The following C2CD3 variants were observed in gnomAD, a reference collection of about 807,000 sequenced individuals.
The protein encoded by C2CD3 is C2 domain containing 3 centriole elongation regulator.
Under a neutral mutation model 234.0 loss-of-function variants are expected in C2CD3, and 148 were observed. The observed-to-expected ratio is 0.63, with a 90% CI of 0.55 to 0.72. The LOEUF is 0.72. Ranked by LOEUF, C2CD3 falls within the 30% of genes least tolerant of loss-of-function variation. The pLI, the probability that C2CD3 is intolerant of heterozygous loss-of-function variation, is 0.00. For missense variants in C2CD3, 2,577 were observed against 2,811.5 expected, an observed-to-expected ratio of 0.92 and a Z score of 1.89; for synonymous variants, 1,000 against 1,035.4, an observed-to-expected ratio of 0.97 and a Z score of 0.66.
At chr11:74,149,210 A>G (rs1245132526) in intron 3 of C2CD3, among the ~76,000 whole-genome samples, 2 of 152,156 alleles carry the variant, frequency 1.3e-5, no homozygotes, top group Admixed American at 6.5e-5. Context: ...CAATGTGCCA[A>G]TATAGTAAAC....
intron 32 of C2CD3, among the ~76,000 whole-genome samples, chr11:74,025,443 C>T (rs924686817): frequency 6.6e-6 from 1 of 152,026 alleles, no homozygotes; most frequent in Non-Finnish European, 1.5e-5. Flanking sequence ...ACTAAAAATA[C>T]AAAAATGCTC....
Position 74,071,918 on chromosome 11 carries a change from T to G in C2CD3, c.4951+2335A>C, listed in dbSNP as rs182391347. ...TGTAATTCACTGTCTCATTGAAAAT[T>G]TGTAAGTATATTTTGCTTTTTTTTA... On this transcript the variant is annotated intron_variant, in intron 24 of 32. Transcript: ENST00000334126. 2.6e-3 allele frequency among the ~76,000 whole-genome samples: 402 copies of G among 152,302 alleles called. 4 individuals carry two copies. The highest frequency in any genetic ancestry group is 9.1e-3 in the African/African-American group (377 of 41,556).
chr11:74,094,825 A>AG (rs1956045856), intron 17 of C2CD3, among the ~76,000 whole-genome samples: 1 of 152,344 alleles, frequency 6.6e-6, no homozygotes, highest in Admixed American at 6.5e-5. Flanking sequence ...TATTTCCCTT[A>AG]GGAACAGTGG....
chr11:74,155,939 C>T (rs1052713369), intron 3 of C2CD3, among the ~76,000 whole-genome samples: 1 of 151,552 alleles, frequency 6.6e-6, no homozygotes, highest in Admixed American at 6.6e-5. Flanking sequence ...TCAGGAGTTC[C>T]AGACCAGCCT....
chr11:74,061,963 G>C (rs911589975), intron 24 of C2CD3, among the ~76,000 whole-genome samples: 3 of 151,846 alleles, frequency 2.0e-5, no homozygotes, highest in Non-Finnish European at 2.9e-5. Flanking sequence ...AAAAAAGCAG[G>C]GGTTGCAATC....
intron 13 of C2CD3, 70 bp from the exon 14 acceptor site, chr11:74,103,695 G>T: frequency 1.6e-6 from 2 of 1,275,194 alleles, no homozygotes; most frequent in Non-Finnish European, 2.2e-6. Context: ...TTTGAGGCTG[G>T]AAACAACATC....
intron 15 of C2CD3, 36 bp downstream of exon 15, chr11:74,100,489 T>C (rs1297013926): frequency 1.3e-6 from 2 of 1,562,966 alleles, no homozygotes; most frequent in East Asian, 2.3e-5. Context: ...AAGTTAAAGA[T>C]GCACAATAAA....
chr11:74,121,027 G>C (rs1007879492), intron 8 of C2CD3, among the ~76,000 whole-genome samples: 1 of 151,920 alleles, frequency 6.6e-6, no homozygotes, highest in African/African-American at 2.4e-5. Context: ...AATGTTTCAG[G>C]AGTGGCAAGT....
intron 9 of C2CD3, among the ~76,000 whole-genome samples, chr11:74,116,451 C>T (rs1956928840): frequency 6.6e-6 from 1 of 151,128 alleles, no homozygotes; most frequent in South Asian, 2.1e-4. Context: ...GCAAGAATGG[C>T]CATAATAAAA....
rs764247820 is a variant in C2CD3 at position 74,057,485 on chromosome 11, C to T, written c.5011G>A (p.Ala1671Thr). ...GTGTATACAGGAGATGACTCATCGG[C>T]TGTTGCAAAGGATACACAACAACTG... ...IPSCCVSFAT[A>T]DESSPVYTQV... The change falls in exon 25 of 33, where the codon GCC becomes ACC. Residue 1671 changes from alanine to threonine, a missense_variant. Coordinates refer to ENST00000334126, the MANE Select transcript of C2CD3 (RefSeq NM_001286577.2). 9.3e-6 allele frequency: 15 copies of T among 1,614,088 alleles called. No homozygotes were observed. In the East Asian group the frequency reaches 2.7e-4, roughly 29 times the overall value.
At chr11:74,019,397 G>A (rs867737728) in intron 32 of C2CD3, among the ~76,000 whole-genome samples, 1 of 152,166 alleles carries the variant, frequency 6.6e-6, no homozygotes. Flanking sequence ...GCTCTGTATG[G>A]CCTTTATCAG....
chr11:74,107,322 T>TCACACACACACACACACACA (rs142285119), intron 12 of C2CD3, among the ~76,000 whole-genome samples: 14 of 146,614 alleles, frequency 9.5e-5, no homozygotes, highest in African/African-American at 3.5e-4. Context: ...TGAAACTGTG[T>TCACACACACACACACACACA]CACACACACA....
At chr11:74,027,947 T>C (rs1303473301) in intron 32 of C2CD3, among the ~76,000 whole-genome samples, 2 of 152,152 alleles carry the variant, frequency 1.3e-5, no homozygotes, top group Non-Finnish European at 2.9e-5. Context: ...TCCCGTAAGG[T>C]TGCATCTCCG....
chr11:74,077,049 C>T (rs961690387), intron 23 of C2CD3, among the ~76,000 whole-genome samples: 1 of 152,056 alleles, frequency 6.6e-6, no homozygotes. Context: ...GAAAGAAAAG[C>T]ACCCAGCACA....
chr11:74,057,378 A>G, intron 25 of C2CD3, 28 bp downstream of exon 25: 1 of 1,613,476 alleles, frequency 6.2e-7, no homozygotes, highest in Non-Finnish European at 8.5e-7. Flanking sequence ...AGATTCTGGA[A>G]GGCTGACGAA....
At chr11:74,054,897 C>A (rs1297881330) in intron 25 of C2CD3, among the ~76,000 whole-genome samples, 1 of 152,150 alleles carries the variant, frequency 6.6e-6, no homozygotes, top group African/African-American at 2.4e-5. Context: ...TCCCCTGACA[C>A]AACATTTCCT....
At chr11:74,063,209 G>A (rs1269666747) in intron 24 of C2CD3, among the ~76,000 whole-genome samples, 2 of 152,178 alleles carry the variant, frequency 1.3e-5, no homozygotes, top group African/African-American at 4.8e-5. Context: ...ACAAAGAGGA[G>A]CTGGTACTAT....
rs190712680 is a variant in C2CD3, at chr11:74,092,060, A to T, written c.3517+356T>A. Reference sequence around the variant, plus strand: ...TGTGTGTGTGTGTATATATATATATATTTTTTTTTTGAGACGAGTTTCGCT... The same window carrying T: ...TGTGTGTGTGTGTATATATATATATTTTTTTTTTTTGAGACGAGTTTCGCT... On this transcript the variant is annotated intron_variant, in intron 19 of 32. Transcript: ENST00000334126. Among the ~76,000 whole-genome samples the T allele has an allele frequency of 8.4e-3, 1,245 of 148,226 alleles. 13 individuals carry two copies. Among genetic ancestry groups the T allele is most frequent in the South Asian group, 0.03 (142 of 4,690 alleles).
Position 74,049,549 on chromosome 11 carries a change from A to C in C2CD3, c.5156-7T>G, listed in dbSNP as rs1225927922. On this transcript the variant is annotated splice_region_variant and splice_polypyrimidine_tract_variant and intron_variant, in intron 26 of 32. Coordinates refer to ENST00000334126, the MANE Select transcript of C2CD3 (RefSeq NM_001286577.2). ...CCAATCACCCTCTCCTCATCTGTAG[A>C]GGAAAGAGAAGAGCTGGGCAATGTG... 6.2e-7 allele frequency: 1 copy of C among 1,610,130 alleles called. No homozygotes were observed. Among genetic ancestry groups the C allele is most frequent in the Non-Finnish European group, 8.5e-7 (1 of 1,178,518 alleles).
Sources: allele counts gnomAD v4.1 joint callset (sites outside exome capture counted in the v4.1 genomes callset), GRCh38; gene constraint gnomAD v4.1.1; transcripts MANE v1.5; gene names NCBI Gene and HGNC (gene_info 2026-07-23, HGNC 2026-07-21).